The following SORL1 variants were observed in gnomAD, a reference collection of about 807,000 sequenced individuals.
SORL1 encodes the protein sortilin related receptor 1.
In SORL1, 127 loss-of-function variants were observed where a neutral mutation model predicts 273.7. The ratio of observed to expected loss-of-function variants is 0.46; its 90% CI spans 0.40 to 0.54. The LOEUF is 0.54. SORL1 is among the 20% of genes least tolerant of loss of function. The pLI, the probability that SORL1 is intolerant of heterozygous loss-of-function variation, is 0.00. For missense variants in SORL1, 2,494 were observed against 2,846.1 expected (o/e 0.88, Z 2.81); for synonymous variants, 1,031 against 1,067.4 (o/e 0.97, Z 0.66).
At chr11:121,568,905 A>C (rs1459980491) in intron 22 of SORL1, among the ~76,000 whole-genome samples, 1 of 152,182 alleles carries the variant, frequency 6.6e-6, no homozygotes, top group Non-Finnish European at 1.5e-5. Context: ...TTCCCTGTAG[A>C]CACGTGTGCT....
chr11:121,605,043 T>G (rs1318743755), intron 33 of SORL1, 70 bp from the exon 34 acceptor site: 73 of 1,421,572 alleles, frequency 5.1e-5, no homozygotes, highest in Non-Finnish European at 6.8e-5. Context: ...AGTGCTAGGA[T>G]TACAGGCGTG....
In SORL1 at chr11:121,584,340, T is replaced by C. The variant is rs188439622; in HGVS notation, c.3706+757T>C. ...TTTAGTTGCTTCCACTAATGTAATA[T>C]GTGTGTTTGCCTCATGTAGTTTTGA... is the stretch of plus-strand genomic sequence containing the variant. On this transcript the variant is annotated intron_variant, in intron 26 of 47. Coordinates refer to ENST00000260197, the MANE Select transcript of SORL1 (RefSeq NM_003105.6). Among the ~76,000 whole-genome samples the C allele has an allele frequency of 1.7e-3, 256 of 152,386 alleles. 3 individuals are homozygous for C. The highest frequency in any genetic ancestry group is 9.6e-4 in the East Asian group (5 of 5,194).
intron 25 of SORL1, among the ~76,000 whole-genome samples, chr11:121,582,887 C>G (rs1863033497): frequency 6.6e-6 from 1 of 152,066 alleles, no homozygotes; most frequent in African/African-American, 2.4e-5. Context: ...GTATGGCCTT[C>G]CAGAACTTAG....
intron 21 of SORL1, among the ~76,000 whole-genome samples, chr11:121,562,368 T>C (rs1020459958): frequency 6.6e-6 from 1 of 152,264 alleles, no homozygotes; most frequent in Non-Finnish European, 1.5e-5. Context: ...TTTGCCATTT[T>C]GCTTTCTGTG....
At chr11:121,506,707 T>G (rs1338034093) in intron 6 of SORL1, among the ~76,000 whole-genome samples, 1 of 152,254 alleles carries the variant, frequency 6.6e-6, no homozygotes, top group Non-Finnish European at 1.5e-5. Flanking sequence ...TTTGAATCCT[T>G]GTAAATAGCA....
intron 8 of SORL1, among the ~76,000 whole-genome samples, chr11:121,517,809 A>G (rs988134457): frequency 6.6e-6 from 1 of 152,208 alleles, no homozygotes; most frequent in Non-Finnish European, 1.5e-5. Context: ...GAGAGGTTCC[A>G]TTATACTCAG....
chr11:121,605,294 T>C, intron 34 of SORL1, 55 bp downstream of exon 34: 1 of 1,589,140 alleles, frequency 6.3e-7, no homozygotes, highest in South Asian at 1.2e-5. Context: ...TGCCCCAGGA[T>C]GTTCTGTAAA....
intron 5 of SORL1, among the ~76,000 whole-genome samples, chr11:121,495,663 G>A (rs951955143): frequency 2.6e-5 from 4 of 152,088 alleles, no homozygotes; most frequent in African/African-American, 9.7e-5. Flanking sequence ...CATGGCCTTG[G>A]TGTTCTTGAG....
At chr11:121,488,237 T>A (rs748652226) in intron 4 of SORL1, 44 bp downstream of exon 4, 22 of 1,594,254 alleles carry the variant, frequency 1.4e-5, no homozygotes, top group Middle Eastern at 3.4e-4. Flanking sequence ...CTCCTCTAGT[T>A]TTCTCCTCTG....
intron 6 of SORL1, among the ~76,000 whole-genome samples, chr11:121,511,182 T>A (rs985900699): frequency 6.7e-6 from 1 of 149,790 alleles, no homozygotes; most frequent in Non-Finnish European, 1.5e-5. Flanking sequence ...CATTTTGAGA[T>A]TTTTTTTTTG....
chr11:121,595,628 G>A lies in SORL1; in HGVS notation c.4375G>A (p.Val1459Ile), dbSNP rs140384365. ...TTAAAAATCTTTTATTTTAGCAAAC[G>A]TCACTGCTGCCTCCACTCCCACCCA... ...DEEACPLLAN[V>I]TAASTPTQLG... The change falls in exon 32 of 48, where the codon GTC (valine) becomes ATC (isoleucine). Residue 1459 changes from valine to isoleucine, a missense_variant. Transcript: ENST00000260197. This position sits in a 1 kb window ranked among gnomAD's most constrained non-coding sequence, Gnocchi z 5.1. 987 of 1,595,390 alleles carry A rather than the reference G, an allele frequency of 6.2e-4. 1 individual carries two copies. The highest frequency in any genetic ancestry group is 7.8e-4 in the Non-Finnish European group (909 of 1,170,702).
At position 121,615,083 on chromosome 11, in the gene SORL1, A is replaced by AGTGAGT. The variant is rs754540935; in HGVS notation, c.5604+32_5604+37dup. 4.4e-5 allele frequency: 69 copies of AGTGAGT among 1,571,192 alleles called. No individual in the cohort carries two copies. The East Asian group carries it at 1.6e-3, about 36-fold the overall frequency. Reference sequence around the variant, plus strand: ...GAGTCAGCCAGAATGACCATCACAAAGTGAGTGTGGACTGTCCCCTAATGC... The same window carrying AGTGAGT: ...GAGTCAGCCAGAATGACCATCACAAAGTGAGTGTGAGTGTGGACTGTCCCCTAATGC... On this transcript the variant is annotated intron_variant, in intron 41 of 47. Transcript: ENST00000260197.
At chr11:121,515,381 G>C (rs1861935853) in intron 8 of SORL1, among the ~76,000 whole-genome samples, 1 of 152,174 alleles carries the variant, frequency 6.6e-6, no homozygotes, top group South Asian at 2.1e-4. Context: ...TCAGGAGGGG[G>C]ACATTTAAGC....
intron 28 of SORL1, among the ~76,000 whole-genome samples, chr11:121,589,051 G>A (rs1040372575): frequency 4.6e-5 from 7 of 152,302 alleles, no homozygotes; most frequent in Middle Eastern, 3.4e-3. Context: ...CTCATAACAC[G>A]ACTCGGTAAA....
chr11:121,553,827 C>A, intron 16 of SORL1, 110 bp from the exon 17 acceptor site: 1 of 1,045,242 alleles, frequency 9.6e-7, no homozygotes, highest in Non-Finnish European at 1.4e-6. Flanking sequence ...GTCCACACCA[C>A]ATGCCAATGA....
chr11:121,477,281 G>T (rs1861286123), intron 2 of SORL1, among the ~76,000 whole-genome samples: 1 of 152,070 alleles, frequency 6.6e-6, no homozygotes, highest in Non-Finnish European at 1.5e-5. Context: ...TTTCCATCTT[G>T]GGCTACGTGG....
At chr11:121,592,959 C>A (rs531169630) in intron 31 of SORL1, among the ~76,000 whole-genome samples, 1 of 152,144 alleles carries the variant, frequency 6.6e-6, no homozygotes, top group Non-Finnish European at 1.5e-5. Flanking sequence ...CTTTTTTGTG[C>A]GCAGTGCTGG....
chr11:121,622,014 GT>G (rs1191512208), intron 44 of SORL1, 147 bp from the exon 45 acceptor site: 13 of 584,684 alleles, frequency 2.2e-5, no homozygotes, highest in Non-Finnish European at 4.0e-5. Context: ...CATGTGCTAG[GT>G]TCTGTACTCA....
chr11:121,563,991 T>C lies in SORL1; in HGVS notation c.3050-2949T>C, dbSNP rs538042917. On this transcript the variant is annotated intron_variant, in intron 21 of 47. Transcript: ENST00000260197. The surrounding 1 kb of genome is among the most constrained non-coding windows in gnomAD (Gnocchi z 4.2). ...ACATTTTTGGCTCCTAAAGTATTCC[T>C]GGAGGAATTTTCCAAACAGGAAATG... Among the ~76,000 whole-genome samples the C allele has an allele frequency of 9.9e-5, 15 of 152,244 alleles. No individual in the cohort carries two copies. The highest frequency in any genetic ancestry group is 9.8e-4 in the Admixed American group (15 of 15,284).
Sources: allele counts gnomAD v4.1 joint callset (sites outside exome capture counted in the v4.1 genomes callset), GRCh38; gene constraint gnomAD v4.1.1; non-coding constraint Gnocchi (gnomAD v3.1); transcripts MANE v1.5; gene names NCBI Gene and HGNC (gene_info 2026-07-23, HGNC 2026-07-21).